TDRD3: variants seen among roughly 807,000 people sequenced by gnomAD.
TDRD3 encodes the protein tudor domain containing 3, also known as tudor domain-containing protein 3.
Under a neutral mutation model 86.7 loss-of-function variants are expected in TDRD3, and 45 were observed. The ratio of observed to expected loss-of-function variants is 0.52; its 90% confidence interval spans 0.41 to 0.67. The LOEUF (loss-of-function observed/expected upper bound fraction) is 0.67, where lower values mean the gene tolerates loss of function less well. Among genes scored for constraint, TDRD3 ranks in the 30% least tolerant of loss-of-function variants. TDRD3 has a pLI of 0.00. For synonymous variants in TDRD3, 298 were observed against 301.7 expected (o/e 0.99, Z 0.13); for missense variants, 814 against 889.0 (o/e 0.92, Z 1.07).
chr13:60,451,006 T>G (rs1208360153), intron 3 of TDRD3, among the ~76,000 whole-genome samples: 1 of 152,188 alleles, frequency 6.6e-6, no homozygotes, highest in Non-Finnish European at 1.5e-5. Context: ...TAATGTTTTC[T>G]ATTACACAAA....
chr13:60,424,703 C>A (rs1954756973), intron 1 of TDRD3, among the ~76,000 whole-genome samples: 1 of 152,216 alleles, frequency 6.6e-6, no homozygotes, highest in Non-Finnish European at 1.5e-5. Flanking sequence ...TAAAGCATAT[C>A]ATTCAGTAGC....
At chr13:60,559,853 T>C (rs936541839) in intron 12 of TDRD3, among the ~76,000 whole-genome samples, 1 of 152,188 alleles carries the variant, frequency 6.6e-6, no homozygotes, top group African/African-American at 2.4e-5. Context: ...GTGTATTGTA[T>C]GCTTGAAATT....
At chr13:60,458,486 G>T (rs553654066) in intron 3 of TDRD3, among the ~76,000 whole-genome samples, 7 of 152,162 alleles carry the variant, frequency 4.6e-5, no homozygotes, top group African/African-American at 1.4e-4. Context: ...GATTGAATAA[G>T]GGTGCCATGG....
chr13:60,542,014 A>G (rs920956276), intron 12 of TDRD3, among the ~76,000 whole-genome samples: 3 of 151,930 alleles, frequency 2.0e-5, no homozygotes, highest in African/African-American at 7.3e-5. Context: ...GTCGTGAGCC[A>G]CCGCACCTGG....
At chr13:60,534,305 C>G (rs769211492) in intron 11 of TDRD3, among the ~76,000 whole-genome samples, 20 of 152,148 alleles carry the variant, frequency 1.3e-4, no homozygotes, top group Middle Eastern at 3.4e-3. Flanking sequence ...AGAGTGAGAA[C>G]TTGTCTCTAG....
At chr13:60,467,454 T>C in intron 5 of TDRD3, 75 bp downstream of exon 5, 9 of 1,519,210 alleles carry the variant, frequency 5.9e-6, no homozygotes, top group Non-Finnish European at 8.0e-6. Flanking sequence ...CTTTCAATAA[T>C]GAGTAAAATT....
chr13:60,541,339 G>C (rs1226344816), intron 12 of TDRD3, among the ~76,000 whole-genome samples: 1 of 151,856 alleles, frequency 6.6e-6, no homozygotes. Context: ...GCTAATTTTT[G>C]TATTTTTAGT....
chr13:60,407,519 C>T (rs1042080318), intron 1 of TDRD3, among the ~76,000 whole-genome samples: 1 of 152,118 alleles, frequency 6.6e-6, no homozygotes, highest in Non-Finnish European at 1.5e-5. Context: ...TTGATATTTT[C>T]TACCTTGTTT....
intron 1 of TDRD3, among the ~76,000 whole-genome samples, chr13:60,418,840 A>G (rs993206387): frequency 1.1e-4 from 16 of 152,202 alleles, no homozygotes; most frequent in Non-Finnish European, 2.4e-4. Context: ...TTCTTCTGAC[A>G]TCTTAGAAGT....
intron 5 of TDRD3, among the ~76,000 whole-genome samples, chr13:60,470,139 C>G (rs1956045187): frequency 6.6e-6 from 1 of 152,270 alleles, no homozygotes; most frequent in Non-Finnish European, 1.5e-5. Flanking sequence ...CAGTATATAT[C>G]TTTTTTGTGC....
Position 60,493,177 on chromosome 13 carries a change from CA to C in TDRD3, c.718-1255del, listed in dbSNP as rs545656857. ...TCGTGATCCACCCGTCTCGGCCTCC[CA>C]AAGTGCTAGGATTACAGGCGTGAGC... is the stretch of plus-strand genomic sequence containing the variant. On this transcript the variant is annotated intron_variant, in intron 7 of 13. Transcript: ENST00000377881. Among the ~76,000 whole-genome samples the C allele has an allele frequency of 9.8e-4, 149 of 151,920 alleles. 1 individual carries two copies. The highest frequency in any genetic ancestry group is 7.7e-3 in the Admixed American group (118 of 15,276).
chr13:60,541,619 ATACTT>A (rs1209107630), intron 12 of TDRD3, among the ~76,000 whole-genome samples: 6 of 147,378 alleles, frequency 4.1e-5, no homozygotes, highest in Admixed American at 6.8e-5. Flanking sequence ...TATATTTATG[ATACTT>A]TACTTGTATA....
chr13:60,460,599 G>C, intron 4 of TDRD3, 59 bp downstream of exon 4: 1 of 1,441,460 alleles, frequency 6.9e-7, no homozygotes, highest in East Asian at 2.7e-5. Flanking sequence ...TATTCAATTG[G>C]AATAACTTAA....
rs145986579 is a variant in TDRD3 at position 60,404,991 on chromosome 13, T to C, written c.41+7586T>C. On this transcript the variant is annotated intron_variant, in intron 1 of 13. Coordinates refer to ENST00000377881, the MANE Select transcript of TDRD3 (RefSeq NM_001146070.2). ...GCCCTGCACAAGCTCTCTTTTTGCCTGCTGCCATTCACATAAGATGTGGCT... is the reference window on the plus strand; with the variant it reads ...GCCCTGCACAAGCTCTCTTTTTGCCCGCTGCCATTCACATAAGATGTGGCT... Among the ~76,000 whole-genome samples, 119 of 152,382 alleles carry C rather than the reference T, an allele frequency of 7.8e-4. 2 individuals are homozygous for C. The East Asian group carries it at 0.02, about 26-fold the overall frequency.
intron 5 of TDRD3, among the ~76,000 whole-genome samples, chr13:60,478,830 G>A (rs1956253131): frequency 7.4e-6 from 1 of 134,900 alleles, no homozygotes; most frequent in Non-Finnish European, 1.6e-5. Flanking sequence ...TTGAGATGGA[G>A]TCTCACTGTG....
At chr13:60,552,516 G>A (rs1381096845) in intron 12 of TDRD3, among the ~76,000 whole-genome samples, 3 of 152,178 alleles carry the variant, frequency 2.0e-5, no homozygotes, top group African/African-American at 4.8e-5. Context: ...CCAAGCACAC[G>A]GTGCAAGCTA....
Position 60,468,437 on chromosome 13 carries a change from A to G in TDRD3, c.495+1058A>G, listed in dbSNP as rs1178790437. Among the ~76,000 whole-genome samples, 7 of 152,098 alleles carry G rather than the reference A, an allele frequency of 4.6e-5. No homozygotes were observed. The East Asian group carries it at 1.2e-3, about 25-fold the overall frequency. On this transcript the variant is annotated intron_variant, in intron 5 of 13. Coordinates refer to ENST00000377881, the MANE Select transcript of TDRD3 (RefSeq NM_001146070.2). ...CTTGTTTCCTTATTGAATTCTTTAA[A>G]CATTTTATTCTTTTTGTGTATTGCT...
chr13:60,543,647 A>G (rs1957867575), intron 12 of TDRD3, among the ~76,000 whole-genome samples: 1 of 152,112 alleles, frequency 6.6e-6, no homozygotes, highest in Non-Finnish European at 1.5e-5. Flanking sequence ...AGAATTTCCA[A>G]ACCTCTACTA....
At chr13:60,481,531 A>C (rs955190449) in intron 5 of TDRD3, among the ~76,000 whole-genome samples, 1 of 147,294 alleles carries the variant, frequency 6.8e-6, no homozygotes, top group Non-Finnish European at 1.5e-5. Flanking sequence ...TATTTTATTT[A>C]CTCTTAAGCC....
Sources: allele counts gnomAD v4.1 joint callset (sites outside exome capture counted in the v4.1 genomes callset), GRCh38; gene constraint gnomAD v4.1.1; transcripts MANE v1.5; gene names NCBI Gene and HGNC (gene_info 2026-07-23, HGNC 2026-07-21).